Variants in EYS observed in about 807,000 individuals in gnomAD.
EYS encodes EGF-like photoreceptor maintenance factor.
In EYS, 250 loss-of-function variants were observed where a neutral mutation model predicts 282.1. That is an observed-to-expected ratio of 0.89 (90% confidence interval 0.80 to 0.98). The LOEUF is 0.98. Among genes scored for constraint, EYS ranks in the 50% least tolerant of loss-of-function variants. EYS has a pLI of 0.00. For synonymous variants in EYS, 1,355 were observed against 1,282.9 expected (o/e 1.06, Z -1.20); for missense variants, 4,016 against 3,709.0 (o/e 1.08, Z -2.15).
intron 35 of EYS, among the ~76,000 whole-genome samples, chr6:63,870,303 C>T (rs1343531612): frequency 6.6e-6 from 1 of 152,164 alleles, no homozygotes; most frequent in Admixed American, 6.5e-5. Context: ...AGTTTCTACT[C>T]AACTGTTACC....
chr6:64,315,073 TA>T (rs1236842404), intron 29 of EYS, among the ~76,000 whole-genome samples: 1 of 151,308 alleles, frequency 6.6e-6, no homozygotes, highest in African/African-American at 2.4e-5. Flanking sequence ...ATAGACACAA[TA>T]AAAAATGATA....
At chr6:64,271,843 T>G (rs1201680094) in intron 30 of EYS, among the ~76,000 whole-genome samples, 2 of 152,084 alleles carry the variant, frequency 1.3e-5, no homozygotes, top group Non-Finnish European at 2.9e-5. Context: ...TTTTATTTTA[T>G]TTATTTATTT....
intron 26 of EYS, among the ~76,000 whole-genome samples, chr6:64,485,998 T>C (rs1776570882): frequency 6.6e-6 from 1 of 151,506 alleles, no homozygotes; most frequent in Admixed American, 6.6e-5. Flanking sequence ...AATTATATGC[T>C]GGTTTTAAAG....
chr6:64,863,469 A>G (rs1212464437), intron 19 of EYS, among the ~76,000 whole-genome samples: 1 of 152,118 alleles, frequency 6.6e-6, no homozygotes, highest in African/African-American at 2.4e-5. Context: ...TTTTCTTCAC[A>G]TACTTTTTAA....
At chr6:65,428,434 A>G (rs1360816490) in intron 5 of EYS, among the ~76,000 whole-genome samples, 1 of 152,076 alleles carries the variant, frequency 6.6e-6, no homozygotes, top group Admixed American at 6.6e-5. Context: ...AATCATTGCT[A>G]TTCATTTTTA....
intron 12 of EYS, among the ~76,000 whole-genome samples, chr6:65,237,490 AG>A (rs1467496736): frequency 6.6e-6 from 1 of 152,144 alleles, no homozygotes; most frequent in East Asian, 1.9e-4. Flanking sequence ...TTTAGGCAAA[AG>A]GGGATTAAAG....
At chr6:64,032,899 A>G (rs2149831229) in intron 33 of EYS, among the ~76,000 whole-genome samples, 1 of 152,268 alleles carries the variant, frequency 6.6e-6, no homozygotes, top group East Asian at 1.9e-4. Flanking sequence ...TAACATTTTT[A>G]TGGAGGTTCC....
intron 2 of EYS, among the ~76,000 whole-genome samples, chr6:65,525,025 C>T (rs1442114961): frequency 1.3e-5 from 2 of 151,400 alleles, no homozygotes; most frequent in East Asian, 3.9e-4. Flanking sequence ...AATTTCCATC[C>T]TTGCCACCAT....
At chr6:65,569,118 A>T (rs571118717) in intron 2 of EYS, among the ~76,000 whole-genome samples, 1 of 152,102 alleles carries the variant, frequency 6.6e-6, no homozygotes. Context: ...AAGAAGTGAA[A>T]ATGTATTGTT....
chr6:64,167,643 C>T lies in EYS; in HGVS notation c.6424+62949G>A, dbSNP rs561382305. 3.3e-5 allele frequency among the ~76,000 whole-genome samples: 5 copies of T among 152,270 alleles called. No homozygotes were observed. In the South Asian group the frequency reaches 1.0e-3, roughly 32 times the overall value. On this transcript the variant is annotated intron_variant, in intron 31 of 42. Coordinates refer to ENST00000503581, the MANE Select transcript of EYS (RefSeq NM_001142800.2). ...AAAGTCCAAAGGGCATACGTACATACAGACACACACACCCATATATATGCA... is the reference window on the plus strand; with the variant it reads ...AAAGTCCAAAGGGCATACGTACATATAGACACACACACCCATATATATGCA...
At chr6:65,508,499 C>T (rs975279059) in intron 2 of EYS, among the ~76,000 whole-genome samples, 1 of 151,618 alleles carries the variant, frequency 6.6e-6, no homozygotes. Context: ...TGGTGAAACC[C>T]CATCTCTACT....
intron 13 of EYS, among the ~76,000 whole-genome samples, chr6:65,010,826 G>A (rs539538424): frequency 1.1e-4 from 17 of 152,266 alleles, no homozygotes; most frequent in South Asian, 8.3e-4. Context: ...CCTAACTTCC[G>A]AGGGAACACC....
chr6:64,496,688 T>C (rs1776898530), intron 26 of EYS, among the ~76,000 whole-genome samples: 4 of 152,028 alleles, frequency 2.6e-5, no homozygotes, highest in Admixed American at 2.6e-4. Flanking sequence ...ATTCTTTTTG[T>C]TACTGTTTTG....
intron 35 of EYS, among the ~76,000 whole-genome samples, chr6:63,915,851 A>G (rs988542522): frequency 1.3e-5 from 2 of 152,250 alleles, no homozygotes; most frequent in African/African-American, 4.8e-5. Flanking sequence ...CTGCAATCTC[A>G]TGATAGAACT....
At chr6:64,394,464 C>T (rs186672098) in intron 28 of EYS, among the ~76,000 whole-genome samples, 11 of 152,062 alleles carry the variant, frequency 7.2e-5, no homozygotes, top group East Asian at 3.9e-4. Flanking sequence ...TAGAGCCCTC[C>T]GAAATAACGC....
At chr6:65,630,057 A>C (rs13214184) in intron 2 of EYS, among the ~76,000 whole-genome samples, 12,579 of 152,256 alleles carry the variant, frequency 0.083, 655 homozygotes, top group South Asian at 0.15. Flanking sequence ...TAGGAAGTGA[A>C]ATTAGGGTCT....
intron 22 of EYS, among the ~76,000 whole-genome samples, chr6:64,811,964 T>C (rs963179173): frequency 6.6e-6 from 1 of 152,100 alleles, no homozygotes; most frequent in Non-Finnish European, 1.5e-5. Context: ...TGATAATCAA[T>C]TTTTTTATTG....
intron 30 of EYS, among the ~76,000 whole-genome samples, chr6:64,259,660 A>G (rs907724714): frequency 2.4e-5 from 2 of 84,280 alleles, no homozygotes; most frequent in Non-Finnish European, 5.4e-5. Flanking sequence ...GCACACACAC[A>G]CACACACACA....
intron 22 of EYS, among the ~76,000 whole-genome samples, chr6:64,692,275 T>G (rs562612516): frequency 1.3e-5 from 2 of 152,354 alleles, no homozygotes; most frequent in African/African-American, 4.8e-5. Context: ...ATCTTATGTC[T>G]GTAGGCCACT....
Sources: allele counts gnomAD v4.1 joint callset (sites outside exome capture counted in the v4.1 genomes callset), GRCh38; gene constraint gnomAD v4.1.1; transcripts MANE v1.5; gene names NCBI Gene and HGNC (gene_info 2026-07-23, HGNC 2026-07-21).